The following MEX3D variants were observed in gnomAD, a reference collection of about 807,000 sequenced individuals.
MEX3D encodes the protein RNA-binding protein MEX3D.
In MEX3D, 4 loss-of-function variants were observed where a neutral mutation model predicts 6.3. The observed-to-expected ratio is 0.64, with a 90% CI of 0.31 to 1.46. The LOEUF (loss-of-function observed/expected upper bound fraction) is 1.46, where lower values mean the gene tolerates loss of function less well. Ranked by LOEUF, MEX3D falls within the 40% of genes most tolerant of loss-of-function variation. MEX3D has a pLI of 0.07. For missense variants in MEX3D, 1,038 were observed against 994.4 expected (o/e 1.04, Z -0.59); for synonymous variants, 626 against 494.1 (o/e 1.27, Z -3.54).
intron 1 of MEX3D, among the ~76,000 whole-genome samples, chr19:1,558,980 GTTT>G (rs113227025): frequency 1.4e-5 from 2 of 144,132 alleles, no homozygotes; most frequent in Admixed American, 1.4e-4. Flanking sequence ...GGCCTTAATG[GTTT>G]TTTTTTTTTT....
chr19:1,568,109 C>CCGG lies in MEX3D; in HGVS notation c.-52_-51insCCG, dbSNP rs1298896584. The CCGG allele has an allele frequency of 1.0e-6, 1 of 979,156 alleles. No homozygotes were observed. The highest frequency in any genetic ancestry group is 1.2e-6 in the Non-Finnish European group (1 of 827,858). 60.7% of individuals were successfully genotyped at this position (979,156 alleles called of 1,614,324 possible). The stretch of plus-strand genomic sequence containing the variant: ...GCTCCTGCCGCCCGCGCCGCCGCCG[C>CCGG]CGCCCGCGCCGCCCTCCGCCTCTGC... On this transcript the variant is annotated 5_prime_UTR_variant, in exon 1 of 2. Transcript: ENST00000402693.
In MEX3D at chr19:1,556,913, G is replaced by T; in HGVS notation, c.606C>A (p.Ile202=). 6.2e-7 allele frequency: 1 copy of T among 1,604,808 alleles called. No homozygotes were observed. Among genetic ancestry groups the T allele is most frequent in the Non-Finnish European group, 8.5e-7 (1 of 1,176,950 alleles). Residue 202 remains isoleucine, a synonymous_variant, in exon 2 of 2, where the codon ATC becomes ATA. Coordinates refer to ENST00000402693, the MANE Select transcript of MEX3D (RefSeq NM_203304.4). The surrounding 1 kb of genome is among the most constrained non-coding windows in gnomAD (Gnocchi z 7.5). The stretch of plus-strand genomic sequence containing the variant: ...TGTTTGTCTTGGCCCGCAGGGCCTT[G>T]ATCTTGCAGCCTGTCCGGGAGGGAG... ...AEIVGRQGCK[I]KALRAKTNTY... is the part of the protein sequence containing the mutation.
chr19:1,556,517 G>C lies in MEX3D; in HGVS notation c.1002C>G (p.Ile334Met). The C allele has an allele frequency of 6.2e-7, 1 of 1,606,012 alleles. No individual in the cohort carries two copies. The highest frequency in any genetic ancestry group is 8.5e-7 in the Non-Finnish European group (1 of 1,177,422). ...PENVDRAREE[I>M]EAHITLRTGA... is the part of the protein sequence containing the mutation. ...CAGTGCGCAGCGTGATGTGCGCCTC[G>C]ATCTCCTCGCGCGCGCGGTCCACGT... Residue 334 changes from isoleucine (I) to methionine (M), a missense_variant, in exon 2 of 2, where the codon ATC becomes ATG. Transcript: ENST00000402693. The surrounding 1 kb of genome is among the most constrained non-coding windows in gnomAD (Gnocchi z 7.5).
rs779654047 is a variant in MEX3D, at chr19:1,556,363, CCGTGGG to C, written c.1150_1155del (p.Pro384_Thr385del). ...GTGTCCCCGCGGAGGCCGGCCGTGGCCGTGGGGGGCCGTCGTCCCTGGTTGGGGGTC... is the reference window on the plus strand; with the variant it reads ...GTGTCCCCGCGGAGGCCGGCCGTGGCGGGCCGTCGTCCCTGGTTGGGGGTC... On this transcript the variant is annotated inframe_deletion, in exon 2 of 2. Transcript: ENST00000402693. This position sits in a 1 kb window ranked among gnomAD's most constrained non-coding sequence, Gnocchi z 7.5. 2.1e-5 allele frequency: 31 copies of C among 1,474,134 alleles called. No individual in the cohort carries two copies. Among genetic ancestry groups the C allele is most frequent in the Non-Finnish European group, 6.2e-6 (7 of 1,123,538 alleles). 91.3% of individuals were successfully genotyped at this position (1,474,134 alleles called of 1,614,324 possible).
chr19:1,562,176 G>T (rs997170174), intron 1 of MEX3D, among the ~76,000 whole-genome samples: 20 of 151,380 alleles, frequency 1.3e-4, no homozygotes, highest in African/African-American at 4.6e-4. Context: ...CAGAAGAATG[G>T]CGTGAACCTG....
At position 1,556,140 on chromosome 19, in the gene MEX3D, A is replaced by G; in HGVS notation, c.1379T>C (p.Leu460Pro). The G allele has an allele frequency of 6.8e-7, 1 of 1,472,082 alleles. No homozygotes were observed. The highest frequency in any genetic ancestry group is 9.0e-7 in the Non-Finnish European group (1 of 1,111,078). The allele number at this position is 1,472,082 out of a possible 1,614,324, so 91.2% of individuals were successfully genotyped here. Residue 460 changes from leucine (L) to proline (P), a missense_variant, in exon 2 of 2, where the codon CTG becomes CCG. Coordinates refer to ENST00000402693, the MANE Select transcript of MEX3D (RefSeq NM_203304.4). This position sits in a 1 kb window ranked among gnomAD's most constrained non-coding sequence, Gnocchi z 7.5. ...GGCGGGCACGGTCAGGTCCAGCGCC[A>G]GGAAGTCGAAGTCGAAGCCGAAGTC... ...DCDFGFDFDF[L>P]ALDLTVPAAA...
chr19:1,555,254 G>C lies in MEX3D; in HGVS notation c.*309C>G. 7.0e-7 allele frequency: 1 copy of C among 1,422,114 alleles called. No homozygotes were observed. Among genetic ancestry groups the C allele is most frequent in the South Asian group, 1.2e-5 (1 of 84,360 alleles). The allele number at this position is 1,422,114 out of a possible 1,614,324, so 88.1% of individuals were successfully genotyped here. A position where few individuals can be genotyped will look rare whatever the true frequency, so the allele number is the denominator to read the frequency against. On this transcript the variant is annotated 3_prime_UTR_variant, in exon 2 of 2. Coordinates refer to ENST00000402693, the MANE Select transcript of MEX3D (RefSeq NM_203304.4). The stretch of plus-strand genomic sequence containing the variant: ...CTTTTTTAAAGATCACCCTGGAGGG[G>C]AGGGGTGTCTAAAAATAAGAAAACT...
rs187998701 is a variant in MEX3D, at chr19:1,557,750, T to G, written c.596-827A>C. 2.5e-3 allele frequency among the ~76,000 whole-genome samples: 379 copies of G among 149,032 alleles called. 4 individuals carry two copies. The highest frequency in any genetic ancestry group is 8.9e-3 in the African/African-American group (361 of 40,472). ...GGCAGGCATCTGTAGTCCCAGGTAC[T>G]CGGGAGGCTGAGGCGGAAGAATCGC... On this transcript the variant is annotated intron_variant, in intron 1 of 1. Transcript: ENST00000402693.
At chr19:1,562,328 C>T (rs1914740353) in intron 1 of MEX3D, among the ~76,000 whole-genome samples, 1 of 148,994 alleles carries the variant, frequency 6.7e-6, no homozygotes, top group Non-Finnish European at 1.5e-5. Flanking sequence ...AGTTCGAGAC[C>T]AGACTGACCA....
In MEX3D at chr19:1,568,277, G is replaced by GCGGCGGCGA. The variant is rs1344445535; in HGVS notation, c.-228_-220dup. ...CAGCGACTCTGGCTGCGGCTCGGCGGCGGCGGCGACGGCGGCGGCGGCTCC... is the reference window on the plus strand; with the variant it reads ...CAGCGACTCTGGCTGCGGCTCGGCGGCGGCGGCGACGGCGGCGACGGCGGCGGCGGCTCC... On this transcript the variant is annotated 5_prime_UTR_variant, in exon 1 of 2. Coordinates refer to ENST00000402693, the MANE Select transcript of MEX3D (RefSeq NM_203304.4). 8.7e-3 allele frequency among the ~76,000 whole-genome samples: 1,230 copies of GCGGCGGCGA among 141,504 alleles called. 10 individuals are homozygous for GCGGCGGCGA. The highest frequency in any genetic ancestry group is 0.013 in the Non-Finnish European group (830 of 63,932). 92.8% of individuals were successfully genotyped at this position (141,504 alleles called of 152,430 possible). A position where few individuals can be genotyped will look rare whatever the true frequency, so the allele number is the denominator to read the frequency against.
chr19:1,561,509 G>A (rs1914717373), intron 1 of MEX3D, among the ~76,000 whole-genome samples: 1 of 152,198 alleles, frequency 6.6e-6, no homozygotes, highest in Non-Finnish European at 1.5e-5. Flanking sequence ...GAGGAGGGAA[G>A]CTGGTTCAGC....
rs1207354862 is a variant in MEX3D at position 1,560,323 on chromosome 19, TGGGGAAGG to T, written c.596-3408_596-3401del. On this transcript the variant is annotated intron_variant, in intron 1 of 1. Coordinates refer to ENST00000402693, the MANE Select transcript of MEX3D (RefSeq NM_203304.4). Reference sequence around the variant, plus strand: ...ACAGGGAGTGGAGACCCAGCAAGGCTGGGGAAGGAGGTGCCACCCACAGATGGAGGCTC... The same window carrying T: ...ACAGGGAGTGGAGACCCAGCAAGGCTAGGTGCCACCCACAGATGGAGGCTC... 1.6e-4 allele frequency among the ~76,000 whole-genome samples: 24 copies of T among 152,356 alleles called. No homozygotes were observed. The East Asian group carries it at 4.2e-3, about 27-fold the overall frequency.
chr19:1,565,536 C>T (rs779546552), intron 1 of MEX3D, among the ~76,000 whole-genome samples: 7 of 152,134 alleles, frequency 4.6e-5, no homozygotes, highest in Non-Finnish European at 7.4e-5. Context: ...AGCGAAACTC[C>T]GTCTCATAAA....
chr19:1,567,502 G>A lies in MEX3D; in HGVS notation c.557C>T (p.Pro186Leu). Residue 186 changes from proline (P) to leucine (L), a missense_variant, in exon 1 of 2, where the codon CCC (proline) becomes CTC (leucine). Pro to Leu is a moderately conservative substitution (Grantham distance 98). Coordinates refer to ENST00000402693, the MANE Select transcript of MEX3D (RefSeq NM_203304.4). The surrounding 1 kb of genome is among the most constrained non-coding windows in gnomAD (Gnocchi z 6.5). ...SVNMTECVPV[P>L]SSEHVAEIVG... ...GATCTCGGCGACGTGCTCGGAGCTGGGCACCGGGACGCACTCGGTCATGTT... is the reference window on the plus strand; with the variant it reads ...GATCTCGGCGACGTGCTCGGAGCTGAGCACCGGGACGCACTCGGTCATGTT... The A allele has an allele frequency of 6.4e-7, 1 of 1,573,044 alleles. No individual in the cohort carries two copies. The highest frequency in any genetic ancestry group is 1.1e-5 in the South Asian group (1 of 88,234).
intron 1 of MEX3D, among the ~76,000 whole-genome samples, chr19:1,558,658 T>C (rs1440087621): frequency 6.6e-6 from 1 of 152,204 alleles, no homozygotes; most frequent in Non-Finnish European, 1.5e-5. Flanking sequence ...AAATTCAGAT[T>C]GTGGAAACTG....
At position 1,568,286 on chromosome 19, in the gene MEX3D, ACGGCGG is replaced by A. The variant is rs1013195245; in HGVS notation, c.-234_-229del. 2.3e-5 allele frequency among the ~76,000 whole-genome samples: 3 copies of A among 130,214 alleles called. No homozygotes were observed. The highest frequency in any genetic ancestry group is 1.5e-4 in the Admixed American group (2 of 13,522). 85.4% of individuals were successfully genotyped at this position (130,214 alleles called of 152,430 possible). On this transcript the variant is annotated 5_prime_UTR_variant, in exon 1 of 2. Coordinates refer to ENST00000402693, the MANE Select transcript of MEX3D (RefSeq NM_203304.4). ...TGGCTGCGGCTCGGCGGCGGCGGCG[ACGGCGG>A]CGGCGGCTCCTCGGCGGCCGAGGCG... is the stretch of plus-strand genomic sequence containing the variant.
At position 1,556,406 on chromosome 19, in the gene MEX3D, G is replaced by A. The variant is rs1267494764; in HGVS notation, c.1113C>T (p.Ser371=). 2 of 1,572,452 alleles carry A rather than the reference G, an allele frequency of 1.3e-6. No individual in the cohort carries two copies. Among genetic ancestry groups the A allele is most frequent in the South Asian group, 2.3e-5 (2 of 88,778 alleles). ...CCTGGTTGGGGGTCTTGGCCCAGAG[G>A]CTGGCGGCCGCCCCGAGCAGGTCCA... ...VCLDLLGAAA[S]LWAKTPNQGR... Residue 371 remains serine, a synonymous_variant, in exon 2 of 2, where the codon AGC becomes AGT. Transcript: ENST00000402693. The surrounding 1 kb of genome is among the most constrained non-coding windows in gnomAD (Gnocchi z 7.5).
Position 1,567,766 on chromosome 19 carries a change from G to T in MEX3D, c.293C>A (p.Ala98Asp). Residue 98 changes from alanine (A) to aspartate (D), a missense_variant, in exon 1 of 2, where the codon GCT becomes GAT. Physicochemically the swap from Ala to Asp is moderately radical, Grantham distance 126. Transcript: ENST00000402693. The surrounding 1 kb of genome is among the most constrained non-coding windows in gnomAD (Gnocchi z 6.5). ...AAAGGADGGA[A>D]PEPVPPDGPE... Reference sequence around the variant, plus strand: ...TCCGTCGGGGGGCACAGGCTCCGGAGCCGCCCCGCCGTCCGCGCCCCCCGC... The same window carrying T: ...TCCGTCGGGGGGCACAGGCTCCGGATCCGCCCCGCCGTCCGCGCCCCCCGC... 2 of 947,788 alleles carry T rather than the reference G, an allele frequency of 2.1e-6. No individual in the cohort carries two copies. The highest frequency in any genetic ancestry group is 2.5e-6 in the Non-Finnish European group (2 of 796,358). The allele number at this position is 947,788 out of a possible 1,614,324, so 58.7% of individuals were successfully genotyped here. A position where few individuals can be genotyped will look rare whatever the true frequency, so the allele number is the denominator to read the frequency against.
At position 1,555,995 on chromosome 19, in the gene MEX3D, G is replaced by A. The variant is rs1346989888; in HGVS notation, c.1524C>T (p.Ala508=). ...GCGTGGGCGAGTGGCGGGGGGTCCC[G>A]GCCCCACTGCTGCGCCGGGCGCCGG... ...PAAGARRSSG[A]GTPRHSPTLP... The change falls in exon 2 of 2, where the codon GCC becomes GCT. Residue 508 remains alanine, a synonymous_variant. Transcript: ENST00000402693. 1.7e-6 allele frequency: 2 copies of A among 1,202,426 alleles called. No individual in the cohort carries two copies. Among genetic ancestry groups the A allele is most frequent in the Non-Finnish European group, 1.0e-6 (1 of 965,658 alleles). The allele number at this position is 1,202,426 out of a possible 1,614,324, so 74.5% of individuals were successfully genotyped here.
Sources: gnomAD v4.1 joint callset for allele counts (sites outside exome capture counted in the v4.1 genomes callset) on GRCh38, gnomAD v4.1.1 for gene constraint, Gnocchi (gnomAD v3.1) non-coding constraint, MANE v1.5 for transcripts, NCBI Gene and HGNC (gene_info 2026-07-23, HGNC 2026-07-21) for gene names.